Variants in DENND2B observed in about 807,000 individuals in gnomAD.
DENND2B encodes DENN domain containing 2B.
Under a neutral mutation model 116.0 loss-of-function variants are expected in DENND2B, and 32 were observed. The ratio of observed to expected loss-of-function variants is 0.28; its 90% CI spans 0.21 to 0.37. The LOEUF (loss-of-function observed/expected upper bound fraction) is 0.37. DENND2B is among the 10% of genes least tolerant of loss of function. The pLI is 1.00. For missense variants in DENND2B, 1,276 were observed against 1,477.7 expected, an observed-to-expected ratio of 0.86 and a Z score of 2.24; for synonymous variants, 588 against 583.9, an observed-to-expected ratio of 1.01 and a Z score of -0.10.
chr11:8,823,903 CT>C (rs71059183), intron 4 of DENND2B, among the ~76,000 whole-genome samples: 79,114 of 122,612 alleles, frequency 0.65, 26,229 homozygotes, highest in Admixed American at 0.76. Context: ...TCTTCTTCTT[CT>C]TTTTTTTTTT....
intron 4 of DENND2B, among the ~76,000 whole-genome samples, chr11:8,836,822 C>T (rs1175303964): frequency 1.3e-5 from 2 of 152,142 alleles, no homozygotes; most frequent in Non-Finnish European, 2.9e-5. Context: ...CTCAGGTGGT[C>T]CTCCCACTTC....
At chr11:8,870,353 T>C (rs2063733626) in intron 2 of DENND2B, among the ~76,000 whole-genome samples, 1 of 152,190 alleles carries the variant, frequency 6.6e-6, no homozygotes, top group African/African-American at 2.4e-5. Context: ...AAACGTTGAC[T>C]AGAGTGTGGA....
intron 5 of DENND2B, 136 bp downstream of exon 5, chr11:8,717,605 G>T: frequency 1.9e-6 from 2 of 1,042,594 alleles, no homozygotes; most frequent in Non-Finnish European, 1.3e-6. Context: ...CGTTCAGGGT[G>T]GTATGGCCGT....
chr11:8,831,072 C>T (rs2062185822), intron 4 of DENND2B, among the ~76,000 whole-genome samples: 1 of 152,188 alleles, frequency 6.6e-6, no homozygotes, highest in African/African-American at 2.4e-5. Context: ...AGGGCACAGA[C>T]ACCAGTGAAG....
intron 4 of DENND2B, chr11:8,718,598 C>A (rs1158245466): frequency 7.4e-7 from 1 of 1,349,486 alleles, no homozygotes; most frequent in Non-Finnish European, 9.5e-7. Flanking sequence ...AAAAAGAGAA[C>A]CATCAACACT....
chr11:8,697,879 A>ACTTTGG (rs2040663244), intron 16 of DENND2B: 2 of 545,258 alleles, frequency 3.7e-6, no homozygotes, highest in Non-Finnish European at 6.7e-6. Flanking sequence ...CAGTAATCCC[A>ACTTTGG]ACACTTTGGA....
chr11:8,718,754 T>C, intron 4 of DENND2B: 3 of 1,056,404 alleles, frequency 2.8e-6, no homozygotes, highest in Non-Finnish European at 3.4e-6. Flanking sequence ...TGTATTGGCA[T>C]TACCAGAAAA....
intron 1 of DENND2B, 99 bp from the exon 2 acceptor site, chr11:8,750,824 T>C: frequency 1.9e-6 from 2 of 1,043,932 alleles, no homozygotes; most frequent in Non-Finnish European, 2.9e-6. Flanking sequence ...AGAGGGTGTC[T>C]GTGGCAGGTA....
intron 2 of DENND2B, among the ~76,000 whole-genome samples, chr11:8,749,340 G>C (rs1319891521): frequency 6.6e-6 from 1 of 152,220 alleles, no homozygotes; most frequent in African/African-American, 2.4e-5. Context: ...ATGCCACCAA[G>C]CCCAGTCTAA....
intron 4 of DENND2B, chr11:8,831,471 C>G (rs1340278823): frequency 6.6e-6 from 1 of 152,550 alleles, no homozygotes; most frequent in Non-Finnish European, 1.5e-5. Context: ...CAGATCTTCT[C>G]CTGTTTATAA....
chr11:8,768,025 A>G (rs1440547582), intron 1 of DENND2B, among the ~76,000 whole-genome samples: 1 of 151,858 alleles, frequency 6.6e-6, no homozygotes, highest in African/African-American at 2.4e-5. Flanking sequence ...AAAGAAAGAG[A>G]TCTAGATCGA....
intron 4 of DENND2B, chr11:8,718,391 C>T (rs1179787347): frequency 1.3e-6 from 2 of 1,535,114 alleles, no homozygotes; most frequent in South Asian, 1.2e-5. Context: ...ACTCACAGAA[C>T]CGTAGGGAGC....
At position 8,707,176 on chromosome 11, in the gene DENND2B, T is replaced by C. The variant is rs746779051; in HGVS notation, c.2480A>G (p.Tyr827Cys). 11 of 1,613,708 alleles carry C rather than the reference T, an allele frequency of 6.8e-6. No individual in the cohort carries two copies. The highest frequency in any genetic ancestry group is 2.2e-5 in the East Asian group (1 of 44,874). The change falls in exon 13 of 20, where the codon TAT becomes TGT. Residue 827 changes from tyrosine to cysteine, a missense_variant. This residue lies in a region of DENND2B where 420 missense variants were observed against 631.1 expected (regional missense o/e 0.67). Coordinates refer to ENST00000313726, the MANE Select transcript of DENND2B (RefSeq NM_213618.2). The surrounding 1 kb of genome is among the most constrained non-coding windows in gnomAD (Gnocchi z 4.8). ...CTCCATGAGACTTCTCATGAAAGGATAGACCAATGCAGCGGAGATCCCACG... is the reference window on the plus strand; with the variant it reads ...CTCCATGAGACTTCTCATGAAAGGACAGACCAATGCAGCGGAGATCCCACG... Reference protein sequence around the residue: ...RRRGISAALVYPFMRSLMESP... With the variant: ...RRRGISAALVCPFMRSLMESP...
At chr11:8,839,400 C>T (rs1252298940) in intron 3 of DENND2B, 3 of 152,256 alleles carry the variant, frequency 2.0e-5, no homozygotes, top group Non-Finnish European at 4.4e-5. Flanking sequence ...TTCACTTACA[C>T]TTTCCAATAA....
chr11:8,823,543 G>A (rs1157677360), intron 4 of DENND2B, among the ~76,000 whole-genome samples: 1 of 152,186 alleles, frequency 6.6e-6, no homozygotes, highest in East Asian at 1.9e-4. Context: ...TTAGGTCATG[G>A]GGGCCATTTC....
At chr11:8,828,717 G>C (rs1483054217) in intron 4 of DENND2B, among the ~76,000 whole-genome samples, 2 of 152,168 alleles carry the variant, frequency 1.3e-5, no homozygotes, top group Non-Finnish European at 2.9e-5. Flanking sequence ...GGATGGCTGA[G>C]TGCCACCACC....
intron 1 of DENND2B, among the ~76,000 whole-genome samples, chr11:8,756,319 T>G (rs527751056): frequency 6.6e-6 from 1 of 152,310 alleles, no homozygotes; most frequent in South Asian, 2.1e-4. Context: ...AGAGCCAACT[T>G]ACTAAGAAAG....
chr11:8,796,699 AG>A (rs576825913), intron 1 of DENND2B, among the ~76,000 whole-genome samples: 9 of 151,972 alleles, frequency 5.9e-5, no homozygotes, highest in African/African-American at 2.2e-4. Flanking sequence ...TACAAACACT[AG>A]TTTACTGACA....
chr11:8,776,160 G>GCA lies in DENND2B; in HGVS notation c.-25-25437_-25-25436dup, dbSNP rs368050554. On this transcript the variant is annotated intron_variant, in intron 1 of 19. Coordinates refer to ENST00000313726, the MANE Select transcript of DENND2B (RefSeq NM_213618.2). ...CGCACGTGCGCGCACGCGCGCGCGCGCACACACACACACACACACACACAC... is the reference window on the plus strand; with the variant it reads ...CGCACGTGCGCGCACGCGCGCGCGCGCACACACACACACACACACACACACAC... 270 of 390,548 alleles carry GCA rather than the reference G, an allele frequency of 6.9e-4. 3 individuals carry two copies. The highest frequency in any genetic ancestry group is 5.3e-3 in the African/African-American group (225 of 42,234). 24.2% of individuals were successfully genotyped at this position (390,548 alleles called of 1,614,324 possible).
Sources: allele counts gnomAD v4.1 joint callset (sites outside exome capture counted in the v4.1 genomes callset), GRCh38; gene constraint gnomAD v4.1.1; regional missense constraint gnomAD v4.1.1; non-coding constraint Gnocchi (gnomAD v3.1); transcripts MANE v1.5; gene names NCBI Gene and HGNC (gene_info 2026-07-23, HGNC 2026-07-21).